RGL3: variants seen among roughly 807,000 people sequenced by gnomAD.
RGL3 encodes the protein ral guanine nucleotide dissociation stimulator like 3.
Under a neutral mutation model 90.6 loss-of-function variants are expected in RGL3, and 85 were observed. That is an observed-to-expected ratio of 0.94 (90% CI 0.79 to 1.12). The LOEUF (loss-of-function observed/expected upper bound fraction) is 1.12, where lower values mean the gene tolerates loss of function less well. Among genes scored for constraint, RGL3 ranks in the 50% most tolerant of loss-of-function variants. The probability of loss-of-function intolerance (pLI) is 0.00; values close to 1 mark genes in which losing one functional copy is unlikely to be tolerated. For synonymous variants in RGL3, 408 were observed against 385.5 expected (o/e 1.06, Z -0.68); for missense variants, 1,034 against 939.2 (o/e 1.10, Z -1.32).
At position 11,399,855 on chromosome 19, in the gene RGL3, C is replaced by T; in HGVS notation, c.1746G>A (p.Lys582=). 1 of 1,489,604 alleles carries T rather than the reference C, an allele frequency of 6.7e-7. No homozygotes were observed. The highest frequency in any genetic ancestry group is 8.9e-7 in the Non-Finnish European group (1 of 1,119,664). The allele number at this position is 1,489,604 out of a possible 1,614,324, so 92.3% of individuals were successfully genotyped here. ...ATGCACACACAAGCCGTCTTGGTACCTTGGTGCTGGGGCCCTGGGGCCCTG... is the reference window on the plus strand; with the variant it reads ...ATGCACACACAAGCCGTCTTGGTACTTTGGTGCTGGGGCCCTGGGGCCCTG... ...ASPGPQGPST[K]LPLSLDLPSP... The change falls in exon 16 of 19, where the codon AAG becomes AAA. Residue 582 remains lysine (K), a splice_region_variant and synonymous_variant. Transcript: ENST00000380456.
In RGL3 at chr19:11,406,921, A is replaced by G. The variant is rs1474058643; in HGVS notation, c.638-57T>C. 6 of 1,540,660 alleles carry G rather than the reference A, an allele frequency of 3.9e-6. No individual in the cohort carries two copies. The African/African-American group carries it at 8.2e-5, about 21-fold the overall frequency. ...GTTTGAATCCAAGACTGGCTGTGTG[A>G]CCTTGGGTGAGTCCCTGTCCCTCTC... On this transcript the variant is annotated intron_variant, in intron 5 of 18. Transcript: ENST00000380456.
chr19:11,405,494 CTT>C (rs771398199), intron 7 of RGL3, 68 bp from the exon 8 acceptor site: 891 of 163,362 alleles, frequency 5.5e-3, no homozygotes, highest in Non-Finnish European at 7.1e-3. Context: ...ACTTCTTCAT[CTT>C]TTTTTTTTTT....
In RGL3 at chr19:11,416,291, T is replaced by C. The variant is rs372437319; in HGVS notation, c.426-143A>G. 6.2e-5 allele frequency: 43 copies of C among 689,028 alleles called. No individual in the cohort carries two copies. The South Asian group carries it at 8.9e-4, about 14-fold the overall frequency. The allele number at this position is 689,028 out of a possible 1,614,324, so 42.7% of individuals were successfully genotyped here. A position where few individuals can be genotyped will look rare whatever the true frequency, so the allele number is the denominator to read the frequency against. On this transcript the variant is annotated intron_variant, in intron 4 of 18. Transcript: ENST00000380456. ...TGCAGTGCAATGGCCTGATCTTGAC[T>C]CACTGCAACCTCAGCCTCCCGAGTA...
chr19:11,405,130 T>G lies in RGL3; in HGVS notation c.1185+17A>C. 6.2e-7 allele frequency: 1 copy of G among 1,610,260 alleles called. No individual in the cohort carries two copies. The highest frequency in any genetic ancestry group is 8.5e-7 in the Non-Finnish European group (1 of 1,176,596). On this transcript the variant is annotated intron_variant, in intron 9 of 18. Coordinates refer to ENST00000380456, the MANE Select transcript of RGL3 (RefSeq NM_001035223.4). ...CTTCCCGGGCCTAAAATCCCTGGAG[T>G]CTGCATCCATCTCTACCTGGAAAAG...
intron 1 of RGL3, 136 bp downstream of exon 1, chr19:11,419,110 G>T: frequency 1.1e-6 from 1 of 935,150 alleles, no homozygotes; most frequent in Non-Finnish European, 1.6e-6. Flanking sequence ...CTGGGTCAAG[G>T]GCCGCGAGTC....
At chr19:11,408,512 G>A (rs575398086) in intron 5 of RGL3, among the ~76,000 whole-genome samples, 84 of 151,950 alleles carry the variant, frequency 5.5e-4, no homozygotes, top group Non-Finnish European at 1.0e-3. Flanking sequence ...CTTGAACCCT[G>A]GAGACGGAGC....
intron 18 of RGL3, 194 bp from the exon 19 acceptor site, chr19:11,394,714 C>A: frequency 1.8e-6 from 1 of 558,282 alleles, no homozygotes; most frequent in Non-Finnish European, 3.2e-6. Context: ...TGCACCACCT[C>A]ATGCCTTCCC....
At chr19:11,418,891 C>T (rs1969055397) in intron 1 of RGL3, 107 bp from the exon 2 acceptor site, 1 of 877,304 alleles carries the variant, frequency 1.1e-6, no homozygotes, top group Non-Finnish European at 1.7e-6. Flanking sequence ...ATCCCCACGC[C>T]CCTTCCCGGC....
Position 11,414,857 on chromosome 19 carries a change from G to A in RGL3, c.637+1080C>T, listed in dbSNP as rs1041773402. Reference sequence around the variant, plus strand: ...GCCAATAATCAAGTAAGGAGGCTACGCATGCACAATGGCTTATGGCTGTAA... The same window carrying A: ...GCCAATAATCAAGTAAGGAGGCTACACATGCACAATGGCTTATGGCTGTAA... On this transcript the variant is annotated intron_variant, in intron 5 of 18. Coordinates refer to ENST00000380456, the MANE Select transcript of RGL3 (RefSeq NM_001035223.4). Among the ~76,000 whole-genome samples the A allele has an allele frequency of 3.9e-5, 6 of 152,064 alleles. No homozygotes were observed. The East Asian group carries it at 1.2e-3, about 29-fold the overall frequency.
Position 11,406,712 on chromosome 19 carries a change from G to T in RGL3, c.780+10C>A. 1 of 1,613,524 alleles carries T rather than the reference G, an allele frequency of 6.2e-7. No individual in the cohort carries two copies. The highest frequency in any genetic ancestry group is 1.1e-5 in the South Asian group (1 of 90,998). On this transcript the variant is annotated intron_variant, in intron 6 of 18. Coordinates refer to ENST00000380456, the MANE Select transcript of RGL3 (RefSeq NM_001035223.4). Reference sequence around the variant, plus strand: ...CTGTGGCTCATCCCGACCCTGTCCGGGATCCTCACCAAGTCTATGAGGGTC... The same window carrying T: ...CTGTGGCTCATCCCGACCCTGTCCGTGATCCTCACCAAGTCTATGAGGGTC...
Position 11,397,241 on chromosome 19 carries a change from C to G in RGL3, c.2014+3G>C. 6.2e-7 allele frequency: 1 copy of G among 1,613,022 alleles called. No homozygotes were observed. Among genetic ancestry groups the G allele is most frequent in the South Asian group, 1.1e-5 (1 of 91,006 alleles). On this transcript the variant is annotated splice_donor_region_variant and intron_variant, in intron 18 of 18. Transcript: ENST00000380456. ...TCCTGAGCTCCAACCCATCCCTGCTCACCCCGGTCCCCAGGAAGGACTTGA... is the reference window on the plus strand; with the variant it reads ...TCCTGAGCTCCAACCCATCCCTGCTGACCCCGGTCCCCAGGAAGGACTTGA...
At chr19:11,409,724 C>T (rs1156852209) in intron 5 of RGL3, among the ~76,000 whole-genome samples, 1 of 152,130 alleles carries the variant, frequency 6.6e-6, no homozygotes, top group South Asian at 2.1e-4. Context: ...CACCAGTGCC[C>T]TCCTGTGCGT....
chr19:11,416,187 TG>T, intron 4 of RGL3, 39 bp from the exon 5 acceptor site: 1 of 1,371,140 alleles, frequency 7.3e-7, no homozygotes, highest in Non-Finnish European at 9.8e-7. Flanking sequence ...GGGTCCAGAG[TG>T]GGGGACATAG....
intron 18 of RGL3, among the ~76,000 whole-genome samples, chr19:11,395,188 C>T (rs908560157): frequency 6.6e-6 from 1 of 151,698 alleles, no homozygotes; most frequent in Non-Finnish European, 1.5e-5. Context: ...CAAACAACTT[C>T]CTGCTCACCC....
intron 15 of RGL3, 34 bp downstream of exon 15, chr19:11,400,006 G>T: frequency 6.3e-7 from 1 of 1,598,180 alleles, no homozygotes; most frequent in Non-Finnish European, 8.5e-7. Context: ...CTGATCCCAT[G>T]ATCCCCAGTC....
At position 11,402,210 on chromosome 19, in the gene RGL3, C is replaced by T. The variant is rs758633852; in HGVS notation, c.1362+5G>A. 4 of 1,613,488 alleles carry T rather than the reference C, an allele frequency of 2.5e-6. No individual in the cohort carries two copies. The highest frequency in any genetic ancestry group is 3.4e-6 in the Non-Finnish European group (4 of 1,179,930). Reference sequence around the variant, plus strand: ...ACCACCACACCCACTGTAGCCTCCACTCACCTTCCTCCTCTTCTCAAAGTT... The same window carrying T: ...ACCACCACACCCACTGTAGCCTCCATTCACCTTCCTCCTCTTCTCAAAGTT... On this transcript the variant is annotated splice_donor_5th_base_variant and intron_variant, in intron 12 of 18. Transcript: ENST00000380456.
At position 11,402,248 on chromosome 19, in the gene RGL3, C is replaced by T; in HGVS notation, c.1330-1G>A. On this transcript the variant is annotated splice_acceptor_variant, in intron 11 of 18. Coordinates refer to ENST00000380456, the MANE Select transcript of RGL3 (RefSeq NM_001035223.4). LOFTEE classifies it high-confidence loss of function. Reference sequence around the variant, plus strand: ...TCTTCTCAAAGTTAATGAGATCCCCCTGGGGGCAAAGTGTGTCTGAATTGC... The same window carrying T: ...TCTTCTCAAAGTTAATGAGATCCCCTTGGGGGCAAAGTGTGTCTGAATTGC... 6.2e-7 allele frequency: 1 copy of T among 1,613,518 alleles called. No homozygotes were observed. The highest frequency in any genetic ancestry group is 8.5e-7 in the Non-Finnish European group (1 of 1,179,996).
At chr19:11,397,938 G>C (rs1968606996) in intron 16 of RGL3, among the ~76,000 whole-genome samples, 1 of 152,098 alleles carries the variant, frequency 6.6e-6, no homozygotes, top group Admixed American at 6.6e-5. Context: ...GAACTTGAGA[G>C]GCAGAGGTTG....
chr19:11,399,874 G>A lies in RGL3; in HGVS notation c.1727C>T (p.Pro576Leu), dbSNP rs767710617. The A allele has an allele frequency of 1.3e-5, 20 of 1,503,670 alleles. No individual in the cohort carries two copies. The highest frequency in any genetic ancestry group is 1.7e-5 in the Non-Finnish European group (19 of 1,129,504). 93.1% of individuals were successfully genotyped at this position (1,503,670 alleles called of 1,614,324 possible). ...PAGSPPASPG[P>L]QGPSTKLPLS... ...TGGTACCTTGGTGCTGGGGCCCTGG[G>A]GCCCTGGAGAGGCCGGGGGACTGCC... The change falls in exon 16 of 19, where the codon CCC becomes CTC. Residue 576 changes from proline (P) to leucine (L), a missense_variant. By Grantham distance (98) the Pro-to-Leu change is moderately conservative (BLOSUM62 -3). Transcript: ENST00000380456.
Sources: gnomAD v4.1 joint callset for allele counts (sites outside exome capture counted in the v4.1 genomes callset) on GRCh38, gnomAD v4.1.1 for gene constraint, MANE v1.5 for transcripts, NCBI Gene and HGNC (gene_info 2026-07-23, HGNC 2026-07-21) for gene names.